DOP1A: variants seen among roughly 807,000 people sequenced by gnomAD.
DOP1A encodes the protein DOP1 leucine zipper like protein A.
A neutral mutation model predicts 267.6 loss-of-function variants in DOP1A; 90 were observed. That is an observed-to-expected ratio of 0.34 (90% CI 0.28 to 0.40). The LOEUF is 0.40. Ranked by LOEUF, DOP1A falls within the 10% of genes least tolerant of loss-of-function variation. The pLI, the probability that DOP1A is intolerant of heterozygous loss-of-function variation, is 1.00. For synonymous variants in DOP1A, 932 were observed against 999.1 expected (o/e 0.93, Z 1.27); for missense variants, 2,437 against 2,900.4 (o/e 0.84, Z 3.67).
chr6:83,157,154 T>C (rs1396232494), intron 34 of DOP1A, 28 bp from the exon 35 acceptor site: 2 of 1,602,752 alleles, frequency 1.2e-6, no homozygotes, highest in Non-Finnish European at 1.7e-6. Flanking sequence ...ATTATTTAGT[T>C]ATTGAAAATG....
downstream of DOP1A, chr6:83,169,668 C>A (rs1406817959): frequency 6.4e-6 from 3 of 465,190 alleles, no homozygotes; most frequent in Admixed American, 2.3e-5. Flanking sequence ...CCTCATCCAT[C>A]ATGGATATTC....
intron 5 of DOP1A, among the ~76,000 whole-genome samples, chr6:83,109,645 TCAAA>T (rs1774211534): frequency 6.6e-6 from 1 of 152,198 alleles, no homozygotes; most frequent in African/African-American, 2.4e-5. Flanking sequence ...ATCTAACTAT[TCAAA>T]CAAAGTTATT....
intron 27 of DOP1A, 90 bp downstream of exon 27, chr6:83,148,953 C>A: frequency 1.4e-6 from 1 of 713,982 alleles, no homozygotes; most frequent in Non-Finnish European, 2.1e-6. Flanking sequence ...TTTTAGGTGA[C>A]AGTGATCTCT....
At chr6:83,105,168 C>T (rs1013863520) in intron 4 of DOP1A, among the ~76,000 whole-genome samples, 1 of 151,998 alleles carries the variant, frequency 6.6e-6, no homozygotes, top group East Asian at 1.9e-4. Flanking sequence ...GCAGGAATTT[C>T]TTACTGTGAT....
chr6:83,122,934 C>T lies in DOP1A; in HGVS notation c.1292C>T (p.Pro431Leu), dbSNP rs1199654135. ...AACCTTCTCTTTAATTCCTTCGAAC[C>T]TTATTATATGTGGGATTATGTTGCA... ...TANLLFNSFE[P>L]YYMWDYVARW... The change falls in exon 12 of 39, where the codon CCT (proline) becomes CTT (leucine). Residue 431 changes from proline (P) to leucine (L), a missense_variant. This residue lies in a region of DOP1A where 498 missense variants were observed against 513.5 expected (regional missense o/e 0.97). Coordinates refer to ENST00000349129, the MANE Select transcript of DOP1A (RefSeq NM_015018.4). 3.2e-6 allele frequency: 5 copies of T among 1,576,316 alleles called. No individual in the cohort carries two copies. In the Admixed American group the frequency reaches 5.7e-5, roughly 18 times the overall value.
intron 36 of DOP1A, 27 bp from the exon 37 acceptor site, chr6:83,159,769 G>T: frequency 6.2e-7 from 1 of 1,613,802 alleles, no homozygotes; most frequent in Non-Finnish European, 8.5e-7. Flanking sequence ...GGGTCCAGCT[G>T]CTGACAGCAC....
Position 83,168,060 on chromosome 6 carries a change from A to T in DOP1A, c.7291A>T (p.Asn2431Tyr), listed in dbSNP as rs756000007. The T allele has an allele frequency of 1.2e-6, 2 of 1,614,202 alleles. No homozygotes were observed. Among genetic ancestry groups the T allele is most frequent in the South Asian group, 2.2e-5 (2 of 91,088 alleles). ...TATCCTCTACTCAAATGCCTTCCCT[A>T]ATAAGGACATGAAACTGGAGAACCA... Reference protein sequence around the residue: ...SPILYSNAFPNKDMKLENHKP... With the variant: ...SPILYSNAFPYKDMKLENHKP... The change falls in exon 39 of 39, where the codon AAT becomes TAT. Residue 2431 changes from asparagine to tyrosine, a missense_variant. This residue lies in a region of DOP1A where 197 missense variants were observed against 246.5 expected (regional missense o/e 0.80). Transcript: ENST00000349129.
At chr6:83,170,661 A>G (rs1786896217), downstream of DOP1A, 3 of 563,700 alleles carry the variant, frequency 5.3e-6, no homozygotes, top group Admixed American at 3.1e-5. Context: ...TTCAGTCTAT[A>G]AAGAATTACC....
intron 27 of DOP1A, among the ~76,000 whole-genome samples, chr6:83,149,348 GTC>G (rs1244528355): frequency 1.3e-5 from 2 of 152,170 alleles, no homozygotes; most frequent in African/African-American, 4.8e-5. Context: ...GTCATAGTCA[GTC>G]TCTCTTTCTT....
At chr6:83,164,235 G>C (rs1306768972) in intron 38 of DOP1A, among the ~76,000 whole-genome samples, 5 of 151,060 alleles carry the variant, frequency 3.3e-5, no homozygotes, top group Non-Finnish European at 7.4e-5. Flanking sequence ...GATTTTGCTG[G>C]AAGGAATTTA....
chr6:83,088,546 C>A (rs1014778439), intron 1 of DOP1A, among the ~76,000 whole-genome samples: 1 of 151,774 alleles, frequency 6.6e-6, no homozygotes, highest in Non-Finnish European at 1.5e-5. Context: ...CATCACCCTC[C>A]CCAGTAGCTG....
intron 1 of DOP1A, among the ~76,000 whole-genome samples, chr6:83,068,930 G>A (rs891905075): frequency 6.6e-6 from 1 of 152,200 alleles, no homozygotes; most frequent in African/African-American, 2.4e-5. Flanking sequence ...ACGTGGGCTT[G>A]ATTATTAGGT....
intron 31 of DOP1A, 80 bp downstream of exon 31, chr6:83,153,700 T>C (rs903813588): frequency 3.2e-6 from 4 of 1,260,896 alleles, no homozygotes; most frequent in Non-Finnish European, 4.4e-6. Flanking sequence ...TTGCCATTTC[T>C]AGAATTATCA....
chr6:83,137,174 G>T lies in DOP1A; in HGVS notation c.3132G>T (p.Val1044=). The T allele has an allele frequency of 1.3e-6, 2 of 1,524,228 alleles. No homozygotes were observed. Among genetic ancestry groups the T allele is most frequent in the Non-Finnish European group, 1.8e-6 (2 of 1,137,750 alleles). The allele number at this position is 1,524,228 out of a possible 1,614,324, so 94.4% of individuals were successfully genotyped here. A position where few individuals can be genotyped will look rare whatever the true frequency, so the allele number is the denominator to read the frequency against. The stretch of plus-strand genomic sequence containing the variant: ...TTTACTGTTTTTCTCATATATCAGT[G>T]AGCCAAGTACAACTCATCACATCAA... ...HFMQNFACSN[V]SQVQLITSKG... is the part of the protein sequence containing the mutation. Residue 1044 remains valine (V), a splice_region_variant and synonymous_variant, in exon 21 of 39, where the codon GTG becomes GTT. Coordinates refer to ENST00000349129, the MANE Select transcript of DOP1A (RefSeq NM_015018.4).
intron 29 of DOP1A, 77 bp from the exon 30 acceptor site, chr6:83,152,211 T>C (rs942351159): frequency 4.3e-6 from 3 of 698,736 alleles, no homozygotes; most frequent in South Asian, 2.6e-5. Flanking sequence ...ATAAAAATAA[T>C]ACACACACAC....
chr6:83,134,311 T>C (rs1040148787), intron 19 of DOP1A, 24 bp downstream of exon 19: 1 of 1,595,306 alleles, frequency 6.3e-7, no homozygotes. Flanking sequence ...TATATTAAGA[T>C]TTCACAGTCA....
Position 83,129,474 on chromosome 6 carries a change from T to C in DOP1A, c.2307T>C (p.His769=). ...SFPVYIAEGN[H]TSELRSEKLE... ...CAGTTTACATTGCTGAGGGGAACCA[T>C]ACATCAGAGTTACGTTCTGAAAAAT... Residue 769 remains histidine (H), a synonymous_variant, in exon 16 of 39, where the codon CAT becomes CAC. Transcript: ENST00000349129. The C allele has an allele frequency of 6.4e-7, 1 of 1,553,784 alleles. No homozygotes were observed. The highest frequency in any genetic ancestry group is 8.6e-7 in the Non-Finnish European group (1 of 1,158,650).
chr6:83,098,605 A>G (rs1562292697), intron 3 of DOP1A, among the ~76,000 whole-genome samples: 2 of 152,162 alleles, frequency 1.3e-5, no homozygotes, highest in African/African-American at 4.8e-5. Context: ...CTGGTTCATT[A>G]TAAAGGACAT....
chr6:83,137,026 T>C, intron 20 of DOP1A, 147 bp from the exon 21 acceptor site: 1 of 802,738 alleles, frequency 1.2e-6, no homozygotes. Flanking sequence ...AACTTTCACC[T>C]GCAATAAAAT....
Sources: gnomAD v4.1 joint callset for allele counts (sites outside exome capture counted in the v4.1 genomes callset) on GRCh38, gnomAD v4.1.1 for gene constraint, gnomAD v4.1.1 regional missense constraint, MANE v1.5 for transcripts, NCBI Gene and HGNC (gene_info 2026-07-23, HGNC 2026-07-21) for gene names.